FADS3: variants seen among roughly 807,000 people sequenced by gnomAD.
FADS3 encodes the protein cytochrome b5-related protein.
In FADS3, 30 loss-of-function variants were observed where a neutral mutation model predicts 60.4. The observed-to-expected ratio is 0.50, with a 90% confidence interval of 0.37 to 0.67. FADS3 has a LOEUF of 0.67. Among genes scored for constraint, FADS3 ranks in the 30% least tolerant of loss-of-function variants. The probability of loss-of-function intolerance (pLI) is 0.00; values close to 1 mark genes in which losing one functional copy is unlikely to be tolerated. For synonymous variants in FADS3, 234 were observed against 249.3 expected, an observed-to-expected ratio of 0.94 and a Z score of 0.58; for missense variants, 432 against 598.3, an observed-to-expected ratio of 0.72 and a Z score of 2.90.
Position 61,891,519 on chromosome 11 carries a change from T to A in FADS3, c.-138A>T. ...CCCCGCCCTGCCGCCGCGGCCGCCG[T>A]ACGAGCGAGCGTGCGCCTCCCGGCT... On this transcript the variant is annotated 5_prime_UTR_variant, in exon 1 of 12. Transcript: ENST00000278829. 2.0e-6 allele frequency: 1 copy of A among 504,932 alleles called. No homozygotes were observed. Among genetic ancestry groups the A allele is most frequent in the Non-Finnish European group, 3.0e-6 (1 of 337,194 alleles). The allele number at this position is 504,932 out of a possible 1,614,324, so 31.3% of individuals were successfully genotyped here.
chr11:61,873,816 A>C lies in FADS3; in HGVS notation c.1336T>G (p.Ter446GlyextTer72). The C allele has an allele frequency of 6.2e-7, 1 of 1,611,242 alleles. No homozygotes were observed. The highest frequency in any genetic ancestry group is 8.5e-7 in the Non-Finnish European group (1 of 1,179,048). The change falls in exon 12 of 12, where the codon TGA (stop) becomes GGA (glycine). Residue 446 changes from the stop codon to glycine (G), a stop_lost. Transcript: ENST00000278829. ...DIWLDAYLHQ[*>G] ...CTCTGCCCGCCTGGGTGTTGCCTTC[A>C]CTGATGGAGGTAGGCGTCCAGCCAG...
Position 61,877,693 on chromosome 11 carries a change from G to A in FADS3, c.809-106C>T. 1 of 1,030,256 alleles carries A rather than the reference G, an allele frequency of 9.7e-7. No homozygotes were observed. Among genetic ancestry groups the A allele is most frequent in the Non-Finnish European group, 1.5e-6 (1 of 685,808 alleles). The allele number at this position is 1,030,256 out of a possible 1,614,324, so 63.8% of individuals were successfully genotyped here. On this transcript the variant is annotated intron_variant, in intron 6 of 11. Transcript: ENST00000278829. This position sits in a 1 kb window ranked among gnomAD's most constrained non-coding sequence, Gnocchi z 4.7. ...ACTCCAGGAATGCCCCTGGGACGTTGGTGCTGGTCACATCCAGCTGAATGA... is the reference window on the plus strand; with the variant it reads ...ACTCCAGGAATGCCCCTGGGACGTTAGTGCTGGTCACATCCAGCTGAATGA...
chr11:61,889,612 A>G (rs1591203802), intron 1 of FADS3, among the ~76,000 whole-genome samples: 1 of 151,394 alleles, frequency 6.6e-6, no homozygotes, highest in South Asian at 2.1e-4. Context: ...GCGCCATTGC[A>G]CTCCAGTCTG....
Position 61,891,156 on chromosome 11 carries a change from A to ACGGC in FADS3, c.213+12_213+13insGCCG. 6.4e-7 allele frequency: 1 copy of ACGGC among 1,553,584 alleles called. No homozygotes were observed. Among genetic ancestry groups the ACGGC allele is most frequent in the Non-Finnish European group, 8.7e-7 (1 of 1,148,246 alleles). ...CCACCCGCCGGTGGGTGGCTTCCTT[A>ACGGC]TGGCTTCCTTACCGTGGCGTCCTCA... On this transcript the variant is annotated intron_variant, in intron 1 of 11. Coordinates refer to ENST00000278829, the MANE Select transcript of FADS3 (RefSeq NM_021727.5).
chr11:61,891,118 C>A, intron 1 of FADS3, 51 bp downstream of exon 1: 2 of 1,471,100 alleles, frequency 1.4e-6, no homozygotes, highest in Non-Finnish European at 1.9e-6. Flanking sequence ...CGCCCACGAC[C>A]GAGCTCCAGG....
In FADS3 at chr11:61,876,346, C is replaced by T. The variant is rs375155381; in HGVS notation, c.1080+13G>A. ...CCACCCCACCCAGGATGGGCCCCAC[C>T]CCTGCTGCCCACCTGAGAGCTGACC... On this transcript the variant is annotated intron_variant, in intron 9 of 11. Coordinates refer to ENST00000278829, the MANE Select transcript of FADS3 (RefSeq NM_021727.5). This position sits in a 1 kb window ranked among gnomAD's most constrained non-coding sequence, Gnocchi z 5.7. 6.2e-7 allele frequency: 1 copy of T among 1,610,888 alleles called. No individual in the cohort carries two copies. Among genetic ancestry groups the T allele is most frequent in the African/African-American group, 1.3e-5 (1 of 75,000 alleles).
chr11:61,890,593 C>T (rs1938471102), intron 1 of FADS3, among the ~76,000 whole-genome samples: 1 of 152,162 alleles, frequency 6.6e-6, no homozygotes, highest in South Asian at 2.1e-4. Context: ...TCCCCAGGGG[C>T]CAGCCTGTTC....
chr11:61,891,079 T>C (rs1938489390), intron 1 of FADS3, 90 bp downstream of exon 1: 3 of 1,146,030 alleles, frequency 2.6e-6, no homozygotes, highest in Non-Finnish European at 3.8e-6. Flanking sequence ...GGGAGGATGC[T>C]AAGGCCCCAC....
chr11:61,888,157 C>T (rs1591202325), intron 1 of FADS3, among the ~76,000 whole-genome samples: 1 of 152,384 alleles, frequency 6.6e-6, no homozygotes, highest in East Asian at 1.9e-4. Context: ...AGAGTACTCT[C>T]CCCAGGGCAC....
In FADS3 at chr11:61,873,677, G is replaced by A; in HGVS notation, c.*137C>T. The A allele has an allele frequency of 1.4e-6, 1 of 706,054 alleles. No individual in the cohort carries two copies. The highest frequency in any genetic ancestry group is 2.6e-6 in the Non-Finnish European group (1 of 387,384). 43.7% of individuals were successfully genotyped at this position (706,054 alleles called of 1,614,324 possible). A position where few individuals can be genotyped will look rare whatever the true frequency, so the allele number is the denominator to read the frequency against. ...CTGAATACACATGTGAGGGGGCCGA[G>A]GGGAAGACAACAGTACCAGGAGGGC... On this transcript the variant is annotated 3_prime_UTR_variant, in exon 12 of 12. Coordinates refer to ENST00000278829, the MANE Select transcript of FADS3 (RefSeq NM_021727.5).
Position 61,887,548 on chromosome 11 carries a change from G to A in FADS3, c.213+3621C>T, listed in dbSNP as rs185046473. On this transcript the variant is annotated intron_variant, in intron 1 of 11. Coordinates refer to ENST00000278829, the MANE Select transcript of FADS3 (RefSeq NM_021727.5). ...ACATCCAGCATGAGCCAGCCCGGCC[G>A]CCTCTAGACCTCACTGCCAGGCCCT... Among the ~76,000 whole-genome samples, 187 of 152,238 alleles carry A rather than the reference G, an allele frequency of 1.2e-3. 1 individual carries two copies. The highest frequency in any genetic ancestry group is 2.6e-4 in the Non-Finnish European group (18 of 68,018).
rs1937944368 is a variant in FADS3, at chr11:61,877,398, CTG to C, written c.885+111_885+112del. 1 of 959,602 alleles carries C rather than the reference CTG, an allele frequency of 1.0e-6. No homozygotes were observed. The highest frequency in any genetic ancestry group is 1.8e-5 in the Admixed American group (1 of 54,722). The allele number at this position is 959,602 out of a possible 1,614,324, so 59.4% of individuals were successfully genotyped here. ...GTTGCACGCATACATGTGAGCCACA[CTG>C]TTGCACGCACATGTGCACCCTGTTT... On this transcript the variant is annotated intron_variant, in intron 7 of 11. Coordinates refer to ENST00000278829, the MANE Select transcript of FADS3 (RefSeq NM_021727.5). This position sits in a 1 kb window ranked among gnomAD's most constrained non-coding sequence, Gnocchi z 4.7.
intron 11 of FADS3, among the ~76,000 whole-genome samples, chr11:61,875,484 C>T (rs1378714862): frequency 1.3e-5 from 2 of 151,682 alleles, no homozygotes; most frequent in African/African-American, 2.4e-5. Flanking sequence ...CCGCCCACCT[C>T]AGCCTCCCCA....
chr11:61,875,321 C>T (rs942738302), intron 11 of FADS3, among the ~76,000 whole-genome samples: 3 of 151,902 alleles, frequency 2.0e-5, no homozygotes, highest in African/African-American at 7.3e-5. Context: ...ATTCTCCTCC[C>T]TCAGCCTCCC....
chr11:61,875,379 GTTTTTTTTTTT>G (rs58200660), intron 11 of FADS3, among the ~76,000 whole-genome samples: 17 of 128,512 alleles, frequency 1.3e-4, no homozygotes, highest in African/African-American at 4.5e-4. Flanking sequence ...GCTAATTTTT[GTTTTTTTTTTT>G]TTTTTTTTTT....
In FADS3 at chr11:61,873,759, G is replaced by T. The variant is rs1175776416; in HGVS notation, c.*55C>A. On this transcript the variant is annotated 3_prime_UTR_variant, in exon 12 of 12. Transcript: ENST00000278829. ...GGGTGAGGGTATCGATCCCGCCGGG[G>T]GCTGGCTTGGTTGCTGGTGCCCTGA... is the stretch of plus-strand genomic sequence containing the variant. The T allele has an allele frequency of 4.3e-6, 6 of 1,409,620 alleles. No homozygotes were observed. Among genetic ancestry groups the T allele is most frequent in the Non-Finnish European group, 6.0e-6 (6 of 1,006,598 alleles). The allele number at this position is 1,409,620 out of a possible 1,614,324, so 87.3% of individuals were successfully genotyped here.
Position 61,891,441 on chromosome 11 carries a change from G to C in FADS3, c.-60C>G. The C allele has an allele frequency of 8.1e-7, 1 of 1,235,036 alleles. No homozygotes were observed. The highest frequency in any genetic ancestry group is 1.0e-6 in the Non-Finnish European group (1 of 964,670). The allele number at this position is 1,235,036 out of a possible 1,614,324, so 76.5% of individuals were successfully genotyped here. ...GGCCGAGGTCCGAGCAAGACCCCGAGGGAAGCGAAGAGCGCTCCCGGGCGC... is the reference window on the plus strand; with the variant it reads ...GGCCGAGGTCCGAGCAAGACCCCGACGGAAGCGAAGAGCGCTCCCGGGCGC... On this transcript the variant is annotated 5_prime_UTR_variant, in exon 1 of 12. Transcript: ENST00000278829.
chr11:61,886,646 C>G (rs1047426211), intron 1 of FADS3, among the ~76,000 whole-genome samples: 1 of 152,074 alleles, frequency 6.6e-6, no homozygotes, highest in African/African-American at 2.4e-5. Context: ...AGTACAAAGG[C>G]CCTACCCTTC....
intron 1 of FADS3, chr11:61,880,806 A>G (rs1661749535): frequency 6.6e-6 from 1 of 151,952 alleles, no homozygotes; most frequent in South Asian, 2.1e-4. Flanking sequence ...CTGGCATGCA[A>G]TGGCATGATC....
Sources: allele counts gnomAD v4.1 joint callset (sites outside exome capture counted in the v4.1 genomes callset), GRCh38; gene constraint gnomAD v4.1.1; non-coding constraint Gnocchi (gnomAD v3.1); transcripts MANE v1.5; gene names NCBI Gene and HGNC (gene_info 2026-07-23, HGNC 2026-07-21).